Variants in KIAA2012 observed in about 807,000 individuals in gnomAD.
KIAA2012 encodes KIAA2012.
KIAA2012 carries 125 observed loss-of-function variants against 150.6 expected under a neutral mutation model. The observed-to-expected ratio is 0.83, with a 90% CI of 0.72 to 0.96. The LOEUF (loss-of-function observed/expected upper bound fraction) is 0.96, where lower values mean the gene tolerates loss of function less well. Among genes scored for constraint, KIAA2012 ranks in the 40% least tolerant of loss-of-function variants. The pLI is 0.00. For missense variants in KIAA2012, 1,219 were observed against 1,354.9 expected (o/e 0.90, Z 1.57); for synonymous variants, 462 against 504.7 (o/e 0.92, Z 1.13).
intron 15 of KIAA2012, among the ~76,000 whole-genome samples, chr2:202,177,829 G>GAT (rs1322450746): frequency 1.3e-5 from 2 of 152,158 alleles, no homozygotes; most frequent in Non-Finnish European, 2.9e-5. Context: ...TGAAGGAGAC[G>GAT]ATAACATTCA....
At chr2:202,178,463 G>T (rs1220540732) in intron 15 of KIAA2012, among the ~76,000 whole-genome samples, 1 of 152,050 alleles carries the variant, frequency 6.6e-6, no homozygotes, top group African/African-American at 2.4e-5. Context: ...CCAAAACTGG[G>T]AAGGTTTCAA....
chr2:202,086,268 A>G (rs1689570063), intron 2 of KIAA2012, among the ~76,000 whole-genome samples: 1 of 151,960 alleles, frequency 6.6e-6, no homozygotes, highest in South Asian at 2.1e-4. Flanking sequence ...ACATCTTGCC[A>G]TCCGCACAGG....
chr2:202,157,979 T>C (rs16838899), intron 14 of KIAA2012, among the ~76,000 whole-genome samples: 4,004 of 152,216 alleles, frequency 0.026, 156 homozygotes, highest in African/African-American at 0.089. Context: ...CTCCCACTGA[T>C]CATTCGGTTC....
chr2:202,112,970 A>G (rs940438516), intron 10 of KIAA2012, among the ~76,000 whole-genome samples: 11 of 152,152 alleles, frequency 7.2e-5, no homozygotes, highest in Non-Finnish European at 1.5e-5. Context: ...GGAAGCAGGA[A>G]GCCCTGTTCT....
chr2:202,176,690 A>G (rs938987234), intron 15 of KIAA2012, among the ~76,000 whole-genome samples: 4 of 152,194 alleles, frequency 2.6e-5, no homozygotes, highest in Non-Finnish European at 5.9e-5. Context: ...AAATGAGCAA[A>G]TGATGTGAAC....
intron 3 of KIAA2012, among the ~76,000 whole-genome samples, chr2:202,092,283 C>T (rs956743621): frequency 1.3e-5 from 2 of 152,188 alleles, no homozygotes; most frequent in African/African-American, 4.8e-5. Context: ...GGTGTAAGCC[C>T]ATCAGTCCAA....
chr2:202,073,697 T>TACTTTGA lies in KIAA2012; in HGVS notation c.73_79dup (p.Pro27LeufsTer2). The TACTTTGA allele has an allele frequency of 1.3e-6, 2 of 1,550,452 alleles. No individual in the cohort carries two copies. The highest frequency in any genetic ancestry group is 1.7e-6 in the Non-Finnish European group (2 of 1,146,926). ...CCAGGACAAACAGAAGTTAGAAGTC[T>TACTTTGA]ACTTTGAACCAGAGGTGAGTCCCAC... is the stretch of plus-strand genomic sequence containing the variant. On this transcript the variant is annotated frameshift_variant, in exon 1 of 24. Transcript: ENST00000498697. LOFTEE classifies it high-confidence loss of function.
intron 13 of KIAA2012, among the ~76,000 whole-genome samples, chr2:202,152,741 A>G (rs1691453537): frequency 6.6e-6 from 1 of 152,164 alleles, no homozygotes; most frequent in African/African-American, 2.4e-5. Flanking sequence ...AAAAATCTTT[A>G]TCTCTAGCCA....
intron 11 of KIAA2012, among the ~76,000 whole-genome samples, chr2:202,118,199 T>C (rs1162639585): frequency 1.3e-5 from 2 of 152,158 alleles, no homozygotes; most frequent in African/African-American, 2.4e-5. Context: ...CACGTGGTTA[T>C]AGTGTACACT....
intron 13 of KIAA2012, among the ~76,000 whole-genome samples, chr2:202,153,168 G>A (rs1320059669): frequency 6.6e-6 from 1 of 152,188 alleles, no homozygotes; most frequent in African/African-American, 2.4e-5. Flanking sequence ...TGTATCAAGT[G>A]TGTGTTCATT....
At chr2:202,089,686 T>C (rs1311801621) in intron 2 of KIAA2012, among the ~76,000 whole-genome samples, 1 of 152,234 alleles carries the variant, frequency 6.6e-6, no homozygotes, top group Non-Finnish European at 1.5e-5. Context: ...ATATGCTGTA[T>C]GTTTCCATTC....
Position 202,193,339 on chromosome 2 carries a change from G to A in KIAA2012, c.2850G>A (p.Trp950Ter), listed in dbSNP as rs1267072696. 1 of 1,550,050 alleles carries A rather than the reference G, an allele frequency of 6.5e-7. No homozygotes were observed. The highest frequency in any genetic ancestry group is 8.7e-7 in the Non-Finnish European group (1 of 1,146,824). The change falls in exon 20 of 24, where the codon TGG becomes TGA. Residue 950 changes from tryptophan (W) to a stop codon, truncating the protein, a stop_gained. Coordinates refer to ENST00000498697, the MANE Select transcript of KIAA2012 (RefSeq NM_001277372.4). LOFTEE classifies it high-confidence loss of function. ...LTKREQEKAS[W>*]DRLRAERAEM... ...AGAGGGAGCAGGAGAAGGCTTCCTG[G>A]GACAGGCTTCGAGCAGAAAGAGCCG...
chr2:202,137,737 A>G (rs1691107183), intron 12 of KIAA2012: 3 of 152,232 alleles, frequency 2.0e-5, no homozygotes, highest in Admixed American at 2.0e-4. Flanking sequence ...CACTAGTGGT[A>G]CAACTTTGAG....
In KIAA2012 at chr2:202,205,182, C is replaced by CA. The variant is rs1692623105; in HGVS notation, c.*211dup. On this transcript the variant is annotated 3_prime_UTR_variant, in exon 24 of 24. Coordinates refer to ENST00000498697, the MANE Select transcript of KIAA2012 (RefSeq NM_001277372.4). ...AGAGTGCAATGCATTTCGAAAAATC[C>CA]AAAAAACTAAAAACAAGAAAATTAC... 1 of 152,054 alleles carries CA rather than the reference C, an allele frequency of 6.6e-6. No homozygotes were observed. Among genetic ancestry groups the CA allele is most frequent in the Non-Finnish European group, 1.5e-5 (1 of 68,008 alleles). The allele number at this position is 152,054 out of a possible 1,614,324, so 9.4% of individuals were successfully genotyped here.
chr2:202,165,495 G>A (rs1281489392), intron 15 of KIAA2012, 139 bp downstream of exon 15: 2 of 752,242 alleles, frequency 2.7e-6, no homozygotes, highest in Non-Finnish European at 4.3e-6. Context: ...GCCAAGGCGG[G>A]TGGATCACCT....
chr2:202,096,090 C>A (rs1689874876), intron 4 of KIAA2012, among the ~76,000 whole-genome samples: 1 of 151,864 alleles, frequency 6.6e-6, no homozygotes, highest in Admixed American at 6.6e-5. Flanking sequence ...TCCCCCGCAC[C>A]CCCCACCCAA....
chr2:202,167,446 G>A (rs1372831717), intron 15 of KIAA2012, among the ~76,000 whole-genome samples: 2 of 152,208 alleles, frequency 1.3e-5, no homozygotes, highest in East Asian at 3.8e-4. Flanking sequence ...AGCAACCACA[G>A]TTTTGAATCG....
chr2:202,084,205 T>G (rs1445742891), intron 2 of KIAA2012, among the ~76,000 whole-genome samples: 1 of 152,180 alleles, frequency 6.6e-6, no homozygotes, highest in Non-Finnish European at 1.5e-5. Context: ...GTCTGCGGTA[T>G]GATGGCAGCT....
At chr2:202,154,873 CA>C in intron 14 of KIAA2012, 63 bp downstream of exon 14, 1 of 1,497,846 alleles carries the variant, frequency 6.7e-7, no homozygotes, top group Non-Finnish European at 8.9e-7. Flanking sequence ...CCAGTTAATA[CA>C]CTTCTGCATG....
Sources: allele counts gnomAD v4.1 joint callset (sites outside exome capture counted in the v4.1 genomes callset), GRCh38; gene constraint gnomAD v4.1.1; transcripts MANE v1.5; gene names NCBI Gene and HGNC (gene_info 2026-07-23, HGNC 2026-07-21).